Variants in THADA observed in about 807,000 individuals in gnomAD.
The protein encoded by THADA is THADA armadillo repeat containing.
Under a neutral mutation model 219.8 loss-of-function variants are expected in THADA, and 213 were observed. The observed-to-expected ratio is 0.97, with a 90% CI of 0.87 to 1.09. The LOEUF (loss-of-function observed/expected upper bound fraction) is 1.09. Among genes scored for constraint, THADA ranks in the 50% least tolerant of loss-of-function variants. The pLI, the probability that THADA is intolerant of heterozygous loss-of-function variation, is 0.00. For missense variants in THADA, 2,956 were observed against 2,311.3 expected, an observed-to-expected ratio of 1.28 and a Z score of -5.72; for synonymous variants, 1,018 against 828.9, an observed-to-expected ratio of 1.23 and a Z score of -3.92.
chr2:43,233,256 T>C (rs1667650241), intron 36 of THADA: 1 of 194,928 alleles, frequency 5.1e-6, no homozygotes, highest in East Asian at 1.2e-4. Context: ...TGGTTTGCCC[T>C]TTCCTTGGAA....
chr2:43,512,119 C>T (rs1690551283), intron 22 of THADA, among the ~76,000 whole-genome samples: 1 of 152,208 alleles, frequency 6.6e-6, no homozygotes, highest in Non-Finnish European at 1.5e-5. Context: ...AAGGTCAAGG[C>T]TGGCAAAATG....
chr2:43,510,783 C>T (rs1369084301), intron 22 of THADA, among the ~76,000 whole-genome samples: 10 of 151,534 alleles, frequency 6.6e-5, no homozygotes, highest in Non-Finnish European at 1.3e-4. Flanking sequence ...CCACCTTGGC[C>T]AACATGATGA....
chr2:43,280,997 C>T (rs1170922519), intron 35 of THADA, among the ~76,000 whole-genome samples: 1 of 152,162 alleles, frequency 6.6e-6, no homozygotes, highest in Non-Finnish European at 1.5e-5. Flanking sequence ...AAAGGGGTAC[C>T]TCTAGTCCAG....
At chr2:43,485,397 C>G in intron 25 of THADA, 72 bp from the exon 26 acceptor site, 1 of 1,062,904 alleles carries the variant, frequency 9.4e-7, no homozygotes, top group South Asian at 1.4e-5. Context: ...AATGTTCAAA[C>G]TAGATAATTC....
chr2:43,516,742 T>A (rs775476007), intron 22 of THADA, among the ~76,000 whole-genome samples: 1 of 152,132 alleles, frequency 6.6e-6, no homozygotes, highest in Non-Finnish European at 1.5e-5. Context: ...GTGCCTGCCC[T>A]AAATGCTCAG....
In THADA at chr2:43,388,205, C is replaced by T. The variant is rs76516229; in HGVS notation, c.4227+9766G>A. Among the ~76,000 whole-genome samples, 33 of 152,314 alleles carry T rather than the reference C, an allele frequency of 2.2e-4. 2 individuals carry two copies. The East Asian group carries it at 6.2e-3, about 28-fold the overall frequency. On this transcript the variant is annotated intron_variant, in intron 29 of 37. Transcript: ENST00000405975. The stretch of plus-strand genomic sequence containing the variant: ...TACTATTTTTATTGGTTGGGAACCA[C>T]CAAACAAATCCCTTCACATTATGGG...
intron 23 of THADA, among the ~76,000 whole-genome samples, chr2:43,505,959 C>G (rs1689621184): frequency 1.3e-5 from 2 of 152,206 alleles, no homozygotes; most frequent in African/African-American, 4.8e-5. Flanking sequence ...CATGTCATCT[C>G]TAAGGTCACT....
chr2:43,384,570 C>T (rs1203192173), intron 29 of THADA, among the ~76,000 whole-genome samples: 2 of 152,192 alleles, frequency 1.3e-5, no homozygotes, highest in African/African-American at 4.8e-5. Context: ...TAATAAATTA[C>T]TGCCTTGTAT....
intron 20 of THADA, among the ~76,000 whole-genome samples, chr2:43,546,394 T>C (rs1696040406): frequency 6.6e-6 from 1 of 152,210 alleles, no homozygotes; most frequent in African/African-American, 2.4e-5. Flanking sequence ...GTCCGCTTGG[T>C]GCAGAACTGA....
intron 36 of THADA, among the ~76,000 whole-genome samples, chr2:43,248,208 GAGAGAGAC>G (rs1558464724): frequency 3.0e-5 from 4 of 131,968 alleles, no homozygotes; most frequent in Non-Finnish European, 4.9e-5. Flanking sequence ...GAGAGAGAGA[GAGAGAGAC>G]AGAGAGAGAG....
At chr2:43,270,683 G>A (rs1028195250) in intron 36 of THADA, among the ~76,000 whole-genome samples, 2 of 152,042 alleles carry the variant, frequency 1.3e-5, no homozygotes, top group African/African-American at 4.8e-5. Context: ...CTGAACTTCT[G>A]CATATTCACA....
intron 29 of THADA, among the ~76,000 whole-genome samples, chr2:43,351,983 C>G (rs1464852066): frequency 6.6e-6 from 1 of 152,160 alleles, no homozygotes; most frequent in Non-Finnish European, 1.5e-5. Flanking sequence ...AACCTTAACC[C>G]AACATACAAA....
chr2:43,516,483 C>G lies in THADA; in HGVS notation c.3375-7703G>C, dbSNP rs944087789. 6.6e-5 allele frequency among the ~76,000 whole-genome samples: 10 copies of G among 152,268 alleles called. No homozygotes were observed. In the East Asian group the frequency reaches 1.9e-3, roughly 29 times the overall value. On this transcript the variant is annotated intron_variant, in intron 22 of 37. Coordinates refer to ENST00000405975, the MANE Select transcript of THADA (RefSeq NM_022065.5). Reference sequence around the variant, plus strand: ...AGGACTTTTTCACCTGACATTCTCTCTGCCGTGAATACTCTTCCTCCAGGT... The same window carrying G: ...AGGACTTTTTCACCTGACATTCTCTGTGCCGTGAATACTCTTCCTCCAGGT...
intron 30 of THADA, among the ~76,000 whole-genome samples, chr2:43,328,427 G>C (rs1217176706): frequency 6.6e-6 from 1 of 152,182 alleles, no homozygotes; most frequent in East Asian, 1.9e-4. Context: ...AGCTTTGTGA[G>C]TGTTTATACT....
rs1327363729 is a variant in THADA at position 43,287,054 on chromosome 2, T to A, written c.5018A>T (p.Glu1673Val). The change falls in exon 35 of 38, where the codon GAA becomes GTA. Residue 1673 changes from glutamate (E) to valine (V), a missense_variant. Transcript: ENST00000405975. ...HHMQTCVENR[E>V]LIAAELKQWV... is the part of the protein sequence containing the mutation. ...CTGCTTCAGCTCAGCAGCTATCAAT[T>A]CCCTGTTCTAAAAGCACAAAATGTA... is the stretch of plus-strand genomic sequence containing the variant. 6.2e-7 allele frequency: 1 copy of A among 1,612,280 alleles called. No individual in the cohort carries two copies. The highest frequency in any genetic ancestry group is 1.3e-5 in the African/African-American group (1 of 74,910).
chr2:43,505,750 T>A lies in THADA; in HGVS notation c.3508-15A>T. 2 of 1,545,320 alleles carry A rather than the reference T, an allele frequency of 1.3e-6. No individual in the cohort carries two copies. Among genetic ancestry groups the A allele is most frequent in the African/African-American group, 1.4e-5 (1 of 73,686 alleles). On this transcript the variant is annotated splice_polypyrimidine_tract_variant and intron_variant, in intron 23 of 37. Transcript: ENST00000405975. ...GCCAACAGTGCCTATGGAAAAAGAATGCAAAAATTAACAGGGTTCTTAGTT... is the reference window on the plus strand; with the variant it reads ...GCCAACAGTGCCTATGGAAAAAGAAAGCAAAAATTAACAGGGTTCTTAGTT...
intron 4 of THADA, among the ~76,000 whole-genome samples, chr2:43,588,062 G>C (rs1357425070): frequency 6.6e-6 from 1 of 152,156 alleles, no homozygotes; most frequent in African/African-American, 2.4e-5. Context: ...TCAAACTATA[G>C]TAAATAAAAG....
At chr2:43,399,567 A>T (rs945825222) in intron 28 of THADA, among the ~76,000 whole-genome samples, 2 of 150,948 alleles carry the variant, frequency 1.3e-5, no homozygotes, top group African/African-American at 5.0e-5. Flanking sequence ...TGGGGTGTTT[A>T]AAAAAAATGT....
intron 31 of THADA, among the ~76,000 whole-genome samples, chr2:43,309,452 T>A (rs975773783): frequency 2.0e-5 from 3 of 152,124 alleles, no homozygotes; most frequent in Admixed American, 2.0e-4. Context: ...CATCAACTAG[T>A]AAATTAGTAT....
Sources: gnomAD v4.1 joint callset for allele counts (sites outside exome capture counted in the v4.1 genomes callset) on GRCh38, gnomAD v4.1.1 for gene constraint, MANE v1.5 for transcripts, NCBI Gene and HGNC (gene_info 2026-07-23, HGNC 2026-07-21) for gene names.